AXDND1: variants seen among roughly 807,000 people sequenced by gnomAD.
AXDND1 encodes axonemal dynein light chain domain-containing protein 1.
In AXDND1, 110 loss-of-function variants were observed where a neutral mutation model predicts 137.5. That is an observed-to-expected ratio of 0.80 (90% CI 0.69 to 0.94). The LOEUF (loss-of-function observed/expected upper bound fraction) is 0.94, where lower values mean the gene tolerates loss of function less well. Ranked by LOEUF, AXDND1 falls within the 40% of genes least tolerant of loss-of-function variation. AXDND1 has a pLI of 0.00. For missense variants in AXDND1, 1,191 were observed against 1,169.8 expected (o/e 1.02, Z -0.26); for synonymous variants, 414 against 399.7 (o/e 1.04, Z -0.43).
chr1:179,481,252 C>T (rs142372913), intron 17 of AXDND1, among the ~76,000 whole-genome samples: 6,963 of 152,102 alleles, frequency 0.046, 243 homozygotes, highest in Non-Finnish European at 0.069. Flanking sequence ...TTTGTCCTTG[C>T]GATAGTTTGC....
At chr1:179,469,081 C>T (rs1159245680) in intron 17 of AXDND1, among the ~76,000 whole-genome samples, 1 of 152,070 alleles carries the variant, frequency 6.6e-6, no homozygotes, top group Non-Finnish European at 1.5e-5. Flanking sequence ...AGGCGCCTGC[C>T]ACCATGCCCA....
intron 12 of AXDND1, among the ~76,000 whole-genome samples, chr1:179,415,778 C>T (rs1041467668): frequency 5.3e-5 from 8 of 152,006 alleles, no homozygotes; most frequent in South Asian, 2.1e-4. Flanking sequence ...GATCTCTGCT[C>T]GCTGCAACCT....
chr1:179,554,150 G>A lies in AXDND1; in HGVS notation c.3032-362G>A, dbSNP rs145737066. ...GCTGGTCTCAAACTCCTGACCTCAAGCGATCCACCCACCTTGGCATCCCAG... is the reference window on the plus strand; with the variant it reads ...GCTGGTCTCAAACTCCTGACCTCAAACGATCCACCCACCTTGGCATCCCAG... On this transcript the variant is annotated intron_variant, in intron 25 of 25. Coordinates refer to ENST00000367618, the MANE Select transcript of AXDND1 (RefSeq NM_144696.6). Among the ~76,000 whole-genome samples the A allele has an allele frequency of 9.7e-3, 1,482 of 152,210 alleles. 38 individuals are homozygous for A. The highest frequency in any genetic ancestry group is 0.034 in the African/African-American group (1,424 of 41,538).
chr1:179,378,817 T>A lies in AXDND1; in HGVS notation c.495+60T>A, dbSNP rs533217268. Reference sequence around the variant, plus strand: ...CTCTGTCTACTTTTAAAAATCATTTTAAAATGATTTTTAATATAAATATAA... The same window carrying A: ...CTCTGTCTACTTTTAAAAATCATTTAAAAATGATTTTTAATATAAATATAA... On this transcript the variant is annotated intron_variant, in intron 5 of 25. Coordinates refer to ENST00000367618, the MANE Select transcript of AXDND1 (RefSeq NM_144696.6). 595 of 1,296,554 alleles carry A rather than the reference T, an allele frequency of 4.6e-4. 2 individuals carry two copies. The African/African-American group carries it at 7.5e-3, about 16-fold the overall frequency. The allele number at this position is 1,296,554 out of a possible 1,614,324, so 80.3% of individuals were successfully genotyped here.
intron 12 of AXDND1, among the ~76,000 whole-genome samples, chr1:179,419,078 C>T (rs1158477435): frequency 1.3e-4 from 20 of 151,288 alleles, no homozygotes; most frequent in Admixed American, 2.6e-4. Context: ...GAAGAGGCCC[C>T]CCTCACTTCC....
chr1:179,418,712 G>T (rs1279234742), intron 12 of AXDND1, among the ~76,000 whole-genome samples: 3 of 150,396 alleles, frequency 2.0e-5, no homozygotes, highest in Non-Finnish European at 4.5e-5. Flanking sequence ...TGGCCGGGCG[G>T]GGGGCTGACC....
At chr1:179,462,968 AT>A (rs1662579797) in intron 16 of AXDND1, among the ~76,000 whole-genome samples, 1 of 152,088 alleles carries the variant, frequency 6.6e-6, no homozygotes, top group Non-Finnish European at 1.5e-5. Context: ...CAGTGGTGAT[AT>A]CCCCTTTATC....
At chr1:179,549,144 A>T (rs1672942493) in intron 25 of AXDND1, among the ~76,000 whole-genome samples, 1 of 152,174 alleles carries the variant, frequency 6.6e-6, no homozygotes. Flanking sequence ...TATTCCTAGA[A>T]CATATCATGG....
intron 18 of AXDND1, among the ~76,000 whole-genome samples, chr1:179,485,400 G>C (rs1461511736): frequency 6.6e-6 from 1 of 152,166 alleles, no homozygotes; most frequent in Non-Finnish European, 1.5e-5. Flanking sequence ...CCTAGAGTTA[G>C]AGCATGCAGT....
intron 18 of AXDND1, among the ~76,000 whole-genome samples, chr1:179,488,632 CTCCTTTCTTTCTTTCTT>C (rs1264074163): frequency 0.016 from 1,000 of 63,148 alleles, 109 homozygotes; most frequent in African/African-American, 0.039. Flanking sequence ...CTCTCTCTCT[CTCCTTTCTTTCTTTCTT>C]TCTTTCTTTC....
At position 179,475,514 on chromosome 1, in the gene AXDND1, T is replaced by C. The variant is rs566170736; in HGVS notation, c.1997+6873T>C. On this transcript the variant is annotated intron_variant, in intron 17 of 25. Transcript: ENST00000367618. ...AGATTTAATGACTGGCCTACTGGAT[T>C]TCAGACTTGCATGGGGCCTGTAGCC... Among the ~76,000 whole-genome samples the C allele has an allele frequency of 2.0e-5, 3 of 152,378 alleles. No individual in the cohort carries two copies. In the East Asian group the frequency reaches 5.8e-4, roughly 29 times the overall value.
intron 17 of AXDND1, among the ~76,000 whole-genome samples, chr1:179,470,521 ACTC>A (rs1417423387): frequency 6.6e-6 from 1 of 151,900 alleles, no homozygotes; most frequent in African/African-American, 2.4e-5. Context: ...TGTTATATTT[ACTC>A]CTAAGTACTT....
chr1:179,497,990 T>C (rs1667622800), intron 20 of AXDND1, among the ~76,000 whole-genome samples: 1 of 152,068 alleles, frequency 6.6e-6, no homozygotes, highest in African/African-American at 2.4e-5. Context: ...TACAAAACAC[T>C]GCTGAAAGAA....
chr1:179,499,158 G>A (rs1018672494), intron 20 of AXDND1, among the ~76,000 whole-genome samples: 3 of 151,976 alleles, frequency 2.0e-5, no homozygotes, highest in Non-Finnish European at 2.9e-5. Context: ...ATTCACAAGA[G>A]CAAACAATAA....
At chr1:179,467,177 GT>G (rs71114520) in intron 16 of AXDND1, among the ~76,000 whole-genome samples, 25,471 of 151,644 alleles carry the variant, frequency 0.17, 2,475 homozygotes, top group East Asian at 0.35. Flanking sequence ...TGCATCATGT[GT>G]TTCTTAAGAA....
intron 19 of AXDND1, 140 bp downstream of exon 19, chr1:179,491,877 C>T (rs529852106): frequency 2.7e-6 from 2 of 752,930 alleles, no homozygotes; most frequent in South Asian, 5.5e-5. Flanking sequence ...CTAGCTTTAA[C>T]ACTGTGAGCA....
chr1:179,494,065 C>T (rs569819572), intron 20 of AXDND1, among the ~76,000 whole-genome samples: 103 of 152,182 alleles, frequency 6.8e-4, no homozygotes, highest in Admixed American at 1.9e-3. Flanking sequence ...AATTCTGCTT[C>T]CTAAGCCTCC....
intron 4 of AXDND1, among the ~76,000 whole-genome samples, chr1:179,373,267 A>G (rs1280398679): frequency 6.6e-6 from 1 of 152,202 alleles, no homozygotes; most frequent in Non-Finnish European, 1.5e-5. Flanking sequence ...TCCAACTTAC[A>G]AGGAATGTGA....
At chr1:179,528,556 G>T in intron 23 of AXDND1, 125 bp downstream of exon 23, 1 of 424,776 alleles carries the variant, frequency 2.4e-6, no homozygotes, top group Non-Finnish European at 4.0e-6. Context: ...GTATTTTACA[G>T]ATATTTTTCT....
Sources: allele counts gnomAD v4.1 joint callset (sites outside exome capture counted in the v4.1 genomes callset), GRCh38; gene constraint gnomAD v4.1.1; transcripts MANE v1.5; gene names NCBI Gene and HGNC (gene_info 2026-07-23, HGNC 2026-07-21).